The following SHC3 variants were observed in gnomAD, a reference collection of about 807,000 sequenced individuals.
The protein encoded by SHC3 is SHC adaptor protein 3, also known as SHC-transforming protein 3.
SHC3 carries 15 observed loss-of-function variants against 60.4 expected under a neutral mutation model. The observed-to-expected ratio is 0.25, with a 90% confidence interval of 0.17 to 0.38. The LOEUF (loss-of-function observed/expected upper bound fraction) is 0.38. Ranked by LOEUF, SHC3 falls within the 10% of genes least tolerant of loss-of-function variation. The pLI is 1.00. For synonymous variants in SHC3, 294 were observed against 325.9 expected (o/e 0.90, Z 1.05); for missense variants, 677 against 786.1 (o/e 0.86, Z 1.66).
At chr9:89,166,252 T>C (rs1383414100) in intron 1 of SHC3, among the ~76,000 whole-genome samples, 1 of 152,164 alleles carries the variant, frequency 6.6e-6, no homozygotes, top group Non-Finnish European at 1.5e-5. Context: ...GTGCAGCCCC[T>C]GGTATTTTCT....
chr9:89,113,736 A>T (rs1189968916), intron 1 of SHC3, among the ~76,000 whole-genome samples: 7 of 152,198 alleles, frequency 4.6e-5, no homozygotes, highest in Non-Finnish European at 1.0e-4. Context: ...TTATATGACT[A>T]CCACAAAAAC....
At chr9:89,049,045 A>C (rs1049293844) in intron 7 of SHC3, among the ~76,000 whole-genome samples, 4 of 152,138 alleles carry the variant, frequency 2.6e-5, no homozygotes, top group Non-Finnish European at 4.4e-5. Flanking sequence ...GCGGATCACG[A>C]GGTCAGGAGA....
intron 2 of SHC3, among the ~76,000 whole-genome samples, chr9:89,098,990 AATT>A (rs1825745349): frequency 6.6e-6 from 1 of 151,812 alleles, no homozygotes; most frequent in African/African-American, 2.4e-5. Context: ...TAAATAAATT[AATT>A]AATTAATTAA....
At chr9:89,141,553 C>A (rs2118192140) in intron 1 of SHC3, among the ~76,000 whole-genome samples, 1 of 152,330 alleles carries the variant, frequency 6.6e-6, no homozygotes, top group Non-Finnish European at 1.5e-5. Flanking sequence ...CTTCTGGGTT[C>A]CCTTTCCCTA....
intron 2 of SHC3, among the ~76,000 whole-genome samples, chr9:89,104,042 G>C (rs1825820270): frequency 6.6e-6 from 1 of 152,204 alleles, no homozygotes; most frequent in African/African-American, 2.4e-5. Context: ...CACCATGCCA[G>C]ATGGTTCTCA....
chr9:89,092,231 G>A (rs1303594358), intron 2 of SHC3, among the ~76,000 whole-genome samples: 1 of 152,178 alleles, frequency 6.6e-6, no homozygotes, highest in East Asian at 1.9e-4. Context: ...GGGACATTGA[G>A]GGTCCTCACA....
At chr9:89,061,379 G>A (rs1825087160) in intron 6 of SHC3, among the ~76,000 whole-genome samples, 1 of 152,200 alleles carries the variant, frequency 6.6e-6, no homozygotes, top group African/African-American at 2.4e-5. Context: ...AGGGCCAAAG[G>A]AAACAGAAAC....
Position 89,147,247 on chromosome 9 carries a change from C to T in SHC3, c.474+30740G>A, listed in dbSNP as rs547815138. Among the ~76,000 whole-genome samples the T allele has an allele frequency of 7.9e-5, 12 of 152,218 alleles. No individual in the cohort carries two copies. In the South Asian group the frequency reaches 2.5e-3, roughly 32 times the overall value. On this transcript the variant is annotated intron_variant, in intron 1 of 11. Coordinates refer to ENST00000375835, the MANE Select transcript of SHC3 (RefSeq NM_016848.6). ...TGACCAAGCCTCACTCTGTGCCACA[C>T]TCATCTTGGTGCTGGGTAGGGCACC...
At chr9:89,101,421 C>T (rs1313326371) in intron 2 of SHC3, among the ~76,000 whole-genome samples, 7 of 151,826 alleles carry the variant, frequency 4.6e-5, no homozygotes, top group Non-Finnish European at 1.0e-4. Context: ...CATTGACTTG[C>T]CTTGTTCTTG....
intron 2 of SHC3, among the ~76,000 whole-genome samples, chr9:89,102,068 A>G (rs1825791425): frequency 6.6e-6 from 1 of 152,082 alleles, no homozygotes; most frequent in African/African-American, 2.4e-5. Context: ...CTTTCAAAGA[A>G]TTTGTTCATT....
intron 2 of SHC3, among the ~76,000 whole-genome samples, chr9:89,085,201 C>A (rs1825507898): frequency 6.6e-6 from 1 of 152,196 alleles, no homozygotes; most frequent in African/African-American, 2.4e-5. Flanking sequence ...GTTCTAAGTG[C>A]TCTGAAGGCA....
intron 2 of SHC3, 115 bp from the exon 3 acceptor site, chr9:89,078,018 A>G: frequency 8.2e-7 from 1 of 1,218,208 alleles, no homozygotes; most frequent in Non-Finnish European, 1.2e-6. Flanking sequence ...CAGTATAGAA[A>G]ACAGAGCTGC....
intron 7 of SHC3, among the ~76,000 whole-genome samples, chr9:89,048,403 A>G (rs1824808317): frequency 6.6e-6 from 1 of 152,196 alleles, no homozygotes; most frequent in Non-Finnish European, 1.5e-5. Context: ...ACATTCTTCT[A>G]AGTGAAAGAA....
At chr9:89,100,437 C>T (rs1365992468) in intron 2 of SHC3, among the ~76,000 whole-genome samples, 2 of 152,056 alleles carry the variant, frequency 1.3e-5, no homozygotes, top group Non-Finnish European at 1.5e-5. Flanking sequence ...AGGGGTCTCA[C>T]TATGTTGCGC....
Position 89,154,676 on chromosome 9 carries a change from G to C in SHC3, c.474+23311C>G, listed in dbSNP as rs557088590. On this transcript the variant is annotated intron_variant, in intron 1 of 11. Coordinates refer to ENST00000375835, the MANE Select transcript of SHC3 (RefSeq NM_016848.6). ...TTATATTAATATAAATGCCATATAG[G>C]TGTTCATCAAAAGACCTAGAACGCC... Among the ~76,000 whole-genome samples, 4 of 152,258 alleles carry C rather than the reference G, an allele frequency of 2.6e-5. No homozygotes were observed. The East Asian group carries it at 7.7e-4, about 29-fold the overall frequency.
chr9:89,006,773 A>G lies in SHC3; in HGVS notation c.*6674T>C, dbSNP rs1020961772. ...TGGAACAAGTTATATTCAAAAGTCA[A>G]ATGAACAGAGAACATTCCACTTGCA... is the stretch of plus-strand genomic sequence containing the variant. On this transcript the variant is annotated 3_prime_UTR_variant, in exon 12 of 12. Coordinates refer to ENST00000375835, the MANE Select transcript of SHC3 (RefSeq NM_016848.6). 1 of 152,266 alleles carries G rather than the reference A, an allele frequency of 6.6e-6. No individual in the cohort carries two copies. The highest frequency in any genetic ancestry group is 1.5e-5 in the Non-Finnish European group (1 of 68,044). 9.4% of individuals were successfully genotyped at this position (152,266 alleles called of 1,614,324 possible).
At chr9:89,078,292 C>T (rs1056091408) in intron 2 of SHC3, among the ~76,000 whole-genome samples, 11 of 152,100 alleles carry the variant, frequency 7.2e-5, no homozygotes, top group African/African-American at 2.4e-4. Flanking sequence ...GGACATCAGG[C>T]CCAAACCTAA....
chr9:89,076,952 G>A (rs1473770743), intron 3 of SHC3, among the ~76,000 whole-genome samples: 1 of 152,166 alleles, frequency 6.6e-6, no homozygotes, highest in Non-Finnish European at 1.5e-5. Flanking sequence ...GCCAAGGCGG[G>A]TGGATCACGA....
intron 1 of SHC3, among the ~76,000 whole-genome samples, chr9:89,159,682 C>T (rs1023916559): frequency 7.9e-5 from 12 of 152,192 alleles, no homozygotes; most frequent in Admixed American, 7.2e-4. Context: ...AGTCCAAGTC[C>T]CAAAACTGAA....
Sources: gnomAD v4.1 joint callset for allele counts (sites outside exome capture counted in the v4.1 genomes callset) on GRCh38, gnomAD v4.1.1 for gene constraint, MANE v1.5 for transcripts, NCBI Gene and HGNC (gene_info 2026-07-23, HGNC 2026-07-21) for gene names.